WDR19: variants seen among roughly 807,000 people sequenced by gnomAD.
The protein encoded by WDR19 is WD repeat-containing protein 19.
A neutral mutation model predicts 180.0 loss-of-function variants in WDR19; 121 were observed. That is an observed-to-expected ratio of 0.67 (90% confidence interval 0.58 to 0.78). The LOEUF (loss-of-function observed/expected upper bound fraction) is 0.78, where lower values mean the gene tolerates loss of function less well. Ranked by LOEUF, WDR19 falls within the 30% of genes least tolerant of loss-of-function variation. The pLI, the probability that WDR19 is intolerant of heterozygous loss-of-function variation, is 0.00. For missense variants in WDR19, 1,450 were observed against 1,640.7 expected, an observed-to-expected ratio of 0.88 and a Z score of 2.01; for synonymous variants, 497 against 540.7, an observed-to-expected ratio of 0.92 and a Z score of 1.12.
In WDR19 at chr4:39,273,076, C is replaced by A. The variant is rs1456611735; in HGVS notation, c.3565+15C>A. The A allele has an allele frequency of 6.3e-7, 1 of 1,590,472 alleles. No individual in the cohort carries two copies. Among genetic ancestry groups the A allele is most frequent in the South Asian group, 1.2e-5 (1 of 86,856 alleles). ...ATTTCCATCACGTAAGTACCACTGA[C>A]CAGAGCTCTCACCCATGCCCCATGC... is the stretch of plus-strand genomic sequence containing the variant. On this transcript the variant is annotated intron_variant, in intron 32 of 36. Coordinates refer to ENST00000399820, the MANE Select transcript of WDR19 (RefSeq NM_025132.4).
intron 14 of WDR19, among the ~76,000 whole-genome samples, chr4:39,219,691 A>G (rs1729449239): frequency 6.6e-6 from 1 of 152,226 alleles, no homozygotes; most frequent in African/African-American, 2.4e-5. Context: ...TTTAGTAGGC[A>G]TTCAGCAAAT....
chr4:39,259,587 C>G (rs2109460953), intron 28 of WDR19, among the ~76,000 whole-genome samples: 1 of 152,260 alleles, frequency 6.6e-6, no homozygotes, highest in Middle Eastern at 3.4e-3. Context: ...GAATTCATGC[C>G]TTCTTATGGC....
intron 7 of WDR19, among the ~76,000 whole-genome samples, chr4:39,203,984 G>A (rs1477244163): frequency 1.3e-5 from 2 of 152,012 alleles, no homozygotes; most frequent in Non-Finnish European, 2.9e-5. Flanking sequence ...AACATTAGGG[G>A]TACCTTGCAG....
chr4:39,270,000 T>C lies in WDR19; in HGVS notation c.3383T>C (p.Val1128Ala), dbSNP rs372799054. ...GGCAACTACCGGAATGCACACGATG[T>C]TCTCTTCAGTATGTATGCAGAACTG... is the stretch of plus-strand genomic sequence containing the variant. ...SAGNYRNAHD[V>A]LFSMYAELKS... The change falls in exon 31 of 37, where the codon GTT (valine) becomes GCT (alanine). Residue 1128 changes from valine (V) to alanine (A), a missense_variant. Coordinates refer to ENST00000399820, the MANE Select transcript of WDR19 (RefSeq NM_025132.4). 4.5e-5 allele frequency: 73 copies of C among 1,613,786 alleles called. No individual in the cohort carries two copies. The highest frequency in any genetic ancestry group is 5.8e-5 in the Non-Finnish European group (68 of 1,179,850).
At chr4:39,232,628 G>C (rs1003871624) in intron 19 of WDR19, among the ~76,000 whole-genome samples, 1 of 151,878 alleles carries the variant, frequency 6.6e-6, no homozygotes, top group Non-Finnish European at 1.5e-5. Context: ...CTTGAACCTA[G>C]GAGGCAGAGA....
intron 21 of WDR19, among the ~76,000 whole-genome samples, chr4:39,243,240 T>A (rs1732153080): frequency 6.6e-6 from 1 of 152,244 alleles, no homozygotes; most frequent in Non-Finnish European, 1.5e-5. Flanking sequence ...TTGACATGGC[T>A]AAATTGCTGT....
chr4:39,226,386 T>C (rs1730254797), intron 15 of WDR19, among the ~76,000 whole-genome samples: 1 of 152,224 alleles, frequency 6.6e-6, no homozygotes, highest in Non-Finnish European at 1.5e-5. Flanking sequence ...AGTACCTACT[T>C]TGTAGGGTTG....
At chr4:39,199,380 T>C (rs779606244) in intron 5 of WDR19, 98 bp from the exon 6 acceptor site, 23 of 865,590 alleles carry the variant, frequency 2.7e-5, no homozygotes, top group Non-Finnish European at 4.1e-5. Flanking sequence ...AAATTCTAAA[T>C]TCTTGTCTGT....
chr4:39,239,629 A>T (rs1577963352), intron 20 of WDR19, among the ~76,000 whole-genome samples: 1 of 152,310 alleles, frequency 6.6e-6, no homozygotes, highest in African/African-American at 2.4e-5. Context: ...ATGTTTACCT[A>T]TGTAACAAAG....
At chr4:39,283,027 TA>T (rs1736722672) in intron 36 of WDR19, among the ~76,000 whole-genome samples, 1 of 152,216 alleles carries the variant, frequency 6.6e-6, no homozygotes, top group Non-Finnish European at 1.5e-5. Context: ...CAATGTTGTA[TA>T]ATAGTAGAGT....
chr4:39,269,533 T>A (rs950912480), intron 30 of WDR19, among the ~76,000 whole-genome samples: 4 of 152,222 alleles, frequency 2.6e-5, no homozygotes, highest in Admixed American at 2.6e-4. Context: ...ACTGGCTAGA[T>A]GTTCATAACA....
chr4:39,182,696 G>A (rs1725066403), intron 1 of WDR19, 133 bp downstream of exon 1: 11 of 1,320,262 alleles, frequency 8.3e-6, no homozygotes, highest in Non-Finnish European at 1.2e-5. Context: ...AGAGAGAGAG[G>A]TGGCCAGAGA....
At chr4:39,235,293 A>G (rs1020012337) in intron 20 of WDR19, among the ~76,000 whole-genome samples, 2 of 152,028 alleles carry the variant, frequency 1.3e-5, no homozygotes, top group Non-Finnish European at 2.9e-5. Context: ...GGCCTGGCTA[A>G]TTTTTAAATT....
chr4:39,205,349 TTTTG>T (rs758247121), intron 8 of WDR19, 83 bp downstream of exon 8: 50 of 1,345,030 alleles, frequency 3.7e-5, no homozygotes, highest in Non-Finnish European at 4.9e-5. Flanking sequence ...TGTATTCAAT[TTTTG>T]TTTGTAACAT....
chr4:39,202,232 T>G (rs1014276849), intron 6 of WDR19, among the ~76,000 whole-genome samples: 1 of 152,212 alleles, frequency 6.6e-6, no homozygotes, highest in South Asian at 2.1e-4. Context: ...TTTGGATGAT[T>G]TCCTCATATT....
intron 5 of WDR19, 84 bp downstream of exon 5, chr4:39,194,743 T>C (rs369968109): frequency 9.2e-7 from 1 of 1,089,842 alleles, no homozygotes; most frequent in Non-Finnish European, 1.4e-6. Flanking sequence ...TCCCTGATCT[T>C]GCAATGGAAA....
At chr4:39,219,115 A>G (rs1160736009) in intron 14 of WDR19, 1 of 152,216 alleles carries the variant, frequency 6.6e-6, no homozygotes, top group Non-Finnish European at 1.5e-5. Context: ...TTTTTAATAA[A>G]TAGAAGTGCA....
chr4:39,240,363 T>A, intron 21 of WDR19, 29 bp downstream of exon 21: 2 of 1,301,122 alleles, frequency 1.5e-6, no homozygotes, highest in Non-Finnish European at 2.0e-6. Context: ...AAGATATGCC[T>A]AATTATGTCT....
chr4:39,234,457 C>A (rs1043062481), intron 19 of WDR19, among the ~76,000 whole-genome samples: 2 of 152,028 alleles, frequency 1.3e-5, no homozygotes, highest in African/African-American at 4.8e-5. Flanking sequence ...TTTGATTACT[C>A]CTTGCTGAGA....
Sources: gnomAD v4.1 joint callset for allele counts (sites outside exome capture counted in the v4.1 genomes callset) on GRCh38, gnomAD v4.1.1 for gene constraint, MANE v1.5 for transcripts, NCBI Gene and HGNC (gene_info 2026-07-23, HGNC 2026-07-21) for gene names.